The following LINGO2 variants were observed in gnomAD, a reference collection of about 807,000 sequenced individuals.
LINGO2 encodes the protein leucine rich repeat and Ig domain containing 2.
A neutral mutation model predicts 30.6 loss-of-function variants in LINGO2; 14 were observed. That is an observed-to-expected ratio of 0.46 (90% CI 0.30 to 0.72). The LOEUF (loss-of-function observed/expected upper bound fraction) is 0.72. LINGO2 is among the 30% of genes least tolerant of loss of function. The pLI, the probability that LINGO2 is intolerant of heterozygous loss-of-function variation, is 0.07. For missense variants in LINGO2, 729 were observed against 751.7 expected (o/e 0.97, Z 0.35); for synonymous variants, 317 against 288.5 (o/e 1.10, Z -1.00).
At chr9:28,048,312 A>C (rs528597780) in intron 4 of LINGO2, among the ~76,000 whole-genome samples, 10 of 151,210 alleles carry the variant, frequency 6.6e-5, no homozygotes, top group Admixed American at 3.3e-4. Flanking sequence ...AAAACATTGT[A>C]ATTAAATTTT....
chr9:28,972,090 G>T, the LINGO2 span, among the ~76,000 whole-genome samples: 1 of 152,228 alleles, frequency 6.6e-6, no homozygotes, highest in South Asian at 2.1e-4. Flanking sequence ...GCATTACTGC[G>T]CTTGGGGTGC....
chr9:29,160,752 C>T, the LINGO2 span, among the ~76,000 whole-genome samples: 1 of 152,140 alleles, frequency 6.6e-6, no homozygotes, highest in Non-Finnish European at 1.5e-5. Context: ...AGTTTTATAA[C>T]ACAGATTCTT....
At chr9:28,759,179 G>A in the LINGO2 span, among the ~76,000 whole-genome samples, 1 of 152,010 alleles carries the variant, frequency 6.6e-6, no homozygotes, top group Admixed American at 6.6e-5. Context: ...GAGACTCTAT[G>A]AGTGTTACTG....
At chr9:28,407,726 C>G (rs1351691222) in intron 2 of LINGO2, among the ~76,000 whole-genome samples, 1 of 152,072 alleles carries the variant, frequency 6.6e-6, no homozygotes, top group Non-Finnish European at 1.5e-5. Flanking sequence ...CAGGAGGATG[C>G]CTGATTTCAT....
chr9:28,308,837 A>C (rs1006313937), intron 3 of LINGO2, among the ~76,000 whole-genome samples: 1 of 152,212 alleles, frequency 6.6e-6, no homozygotes, highest in African/African-American at 2.4e-5. Flanking sequence ...AAAAATGCTC[A>C]CCATCACTGG....
chr9:28,756,955 A>G, the LINGO2 span, among the ~76,000 whole-genome samples: 1 of 152,042 alleles, frequency 6.6e-6, no homozygotes, highest in East Asian at 1.9e-4. Flanking sequence ...AAGAAGTGAG[A>G]TATCTCATAA....
At chr9:28,980,589 G>A in the LINGO2 span, among the ~76,000 whole-genome samples, 13 of 151,948 alleles carry the variant, frequency 8.6e-5, no homozygotes, top group African/African-American at 2.4e-4. Flanking sequence ...AAACACATGC[G>A]CCTCCAGGCC....
intron 4 of LINGO2, among the ~76,000 whole-genome samples, chr9:28,146,629 A>T (rs577542591): frequency 6.6e-6 from 1 of 152,216 alleles, no homozygotes; most frequent in South Asian, 2.1e-4. Context: ...TTCTCCAATA[A>T]CAAGATGTAG....
intron 2 of LINGO2, among the ~76,000 whole-genome samples, chr9:28,460,801 C>CAAGTGTGTGGT (rs1825048204): frequency 6.6e-6 from 1 of 151,814 alleles, no homozygotes; most frequent in African/African-American, 2.4e-5. Flanking sequence ...GCCTGGAGGG[C>CAAGTGTGTGGT]AAGTGTGTGG....
chr9:29,131,419 G>A, the LINGO2 span, among the ~76,000 whole-genome samples: 1 of 151,980 alleles, frequency 6.6e-6, no homozygotes, highest in African/African-American at 2.4e-5. Flanking sequence ...AGTCCAGCTT[G>A]GGCAAAGGAC....
At chr9:28,960,410 G>A in the LINGO2 span, among the ~76,000 whole-genome samples, 1 of 151,652 alleles carries the variant, frequency 6.6e-6, no homozygotes, top group Non-Finnish European at 1.5e-5. Context: ...TGAGGCAGGA[G>A]AATCACTGGA....
chr9:28,026,950 A>G (rs1486105899), intron 4 of LINGO2, among the ~76,000 whole-genome samples: 4 of 152,110 alleles, frequency 2.6e-5, no homozygotes, highest in African/African-American at 9.7e-5. Context: ...CACCTCTCCT[A>G]AATTTGCATG....
chr9:28,394,233 T>C lies in LINGO2; in HGVS notation c.-278-21365A>G, dbSNP rs114719590. 3.0e-3 allele frequency among the ~76,000 whole-genome samples: 454 copies of C among 152,298 alleles called. 2 individuals carry two copies. The highest frequency in any genetic ancestry group is 0.011 in the African/African-American group (442 of 41,564). ...CTCTTTCCAACGCAATGCTTCACTT[T>C]GCGTAAAGACTATGAACCACAGTTT... On this transcript the variant is annotated intron_variant, in intron 2 of 5. Transcript: ENST00000379992.
chr9:28,158,783 C>T (rs532463322), intron 4 of LINGO2, among the ~76,000 whole-genome samples: 1 of 152,302 alleles, frequency 6.6e-6, no homozygotes, highest in East Asian at 1.9e-4. Flanking sequence ...ATGAGTTTCA[C>T]AGGGGAAGAA....
chr9:28,782,578 A>T, the LINGO2 span, among the ~76,000 whole-genome samples: 1 of 152,224 alleles, frequency 6.6e-6, no homozygotes, highest in Admixed American at 6.5e-5. Flanking sequence ...ATTTGTACTG[A>T]GAAATTTGAC....
the LINGO2 span, among the ~76,000 whole-genome samples, chr9:29,061,919 C>G: frequency 6.6e-6 from 1 of 151,906 alleles, no homozygotes; most frequent in Non-Finnish European, 1.5e-5. Context: ...ATTTGCAAGT[C>G]ACATATCTGA....
At chr9:28,022,656 C>T (rs527270324) in intron 4 of LINGO2, among the ~76,000 whole-genome samples, 1 of 149,136 alleles carries the variant, frequency 6.7e-6, no homozygotes, top group South Asian at 2.1e-4. Flanking sequence ...CTTTTTCTCT[C>T]TCCTTCCTTC....
chr9:28,827,221 G>T, the LINGO2 span, among the ~76,000 whole-genome samples: 260 of 152,284 alleles, frequency 1.7e-3, no homozygotes, highest in Admixed American at 3.3e-3. Flanking sequence ...CAGTTTCTCT[G>T]ATAAAGCAGG....
At chr9:28,569,333 A>ACT (rs1823555824) in intron 1 of LINGO2, among the ~76,000 whole-genome samples, 1 of 151,846 alleles carries the variant, frequency 6.6e-6, no homozygotes, top group South Asian at 2.1e-4. Flanking sequence ...AGATAGTTGT[A>ACT]CTCTCCTGTT....
Sources: allele counts gnomAD v4.1 joint callset (sites outside exome capture counted in the v4.1 genomes callset), GRCh38; gene constraint gnomAD v4.1.1; transcripts MANE v1.5; gene names NCBI Gene and HGNC (gene_info 2026-07-23, HGNC 2026-07-21).